Variants in ANO2 observed in about 807,000 individuals in gnomAD.
ANO2 encodes the protein anoctamin 2, also known as anoctamin-2.
In ANO2, 101 loss-of-function variants were observed where a neutral mutation model predicts 124.2. The ratio of observed to expected loss-of-function variants is 0.81; its 90% CI spans 0.69 to 0.96. The LOEUF (loss-of-function observed/expected upper bound fraction) is 0.96. ANO2 is among the 40% of genes least tolerant of loss of function. The pLI, the probability that ANO2 is intolerant of heterozygous loss-of-function variation, is 0.00. For synonymous variants in ANO2, 486 were observed against 482.5 expected, an observed-to-expected ratio of 1.01 and a Z score of -0.09; for missense variants, 1,293 against 1,274.5, an observed-to-expected ratio of 1.01 and a Z score of -0.22.
At chr12:5,928,543 C>A (rs1395009386) in intron 1 of ANO2, among the ~76,000 whole-genome samples, 1 of 150,862 alleles carries the variant, frequency 6.6e-6, no homozygotes, top group African/African-American at 2.4e-5. Flanking sequence ...TACTCGTCTA[C>A]CTTCTTTCCT....
At chr12:5,770,310 C>A (rs1184272530) in intron 10 of ANO2, among the ~76,000 whole-genome samples, 1 of 152,186 alleles carries the variant, frequency 6.6e-6, no homozygotes, top group Non-Finnish European at 1.5e-5. Context: ...TCATTGGTTT[C>A]CAATCTCATG....
At chr12:5,579,862 G>T (rs1198331591) in intron 20 of ANO2, among the ~76,000 whole-genome samples, 1 of 152,146 alleles carries the variant, frequency 6.6e-6, no homozygotes, top group Non-Finnish European at 1.5e-5. Context: ...CACTCTGGCT[G>T]GCAAGCTTCT....
intron 3 of ANO2, 24 bp downstream of exon 3, chr12:5,921,016 T>C: frequency 2.5e-6 from 4 of 1,588,048 alleles, no homozygotes; most frequent in Non-Finnish European, 2.6e-6. Context: ...CATCTCCAAG[T>C]CCCTGGCCAC....
intron 15 of ANO2, among the ~76,000 whole-genome samples, chr12:5,640,993 G>A (rs1946349973): frequency 2.0e-5 from 3 of 152,196 alleles, no homozygotes; most frequent in Admixed American, 2.0e-4. Context: ...ATCAGTGATA[G>A]ACTGGATTAA....
chr12:5,933,608 A>T (rs1220227633), intron 1 of ANO2, among the ~76,000 whole-genome samples: 1 of 152,160 alleles, frequency 6.6e-6, no homozygotes, highest in East Asian at 1.9e-4. Flanking sequence ...ATTTTATTTC[A>T]CTGGTCACAC....
intron 14 of ANO2, among the ~76,000 whole-genome samples, chr12:5,673,365 A>C (rs1231890938): frequency 6.6e-6 from 1 of 152,200 alleles, no homozygotes; most frequent in East Asian, 1.9e-4. Flanking sequence ...GTGTTTGCCC[A>C]CACAAGGGAG....
chr12:5,609,057 C>T (rs7954629), intron 19 of ANO2: 109,333 of 152,094 alleles, frequency 0.72, 39,461 homozygotes, highest in East Asian at 0.8. Context: ...GGGCCAGATG[C>T]GGCTTTGGTA....
intron 3 of ANO2, among the ~76,000 whole-genome samples, chr12:5,876,162 A>C (rs1938086353): frequency 6.6e-6 from 1 of 152,196 alleles, no homozygotes; most frequent in South Asian, 2.1e-4. Context: ...GTCCTAGAAT[A>C]TGATGGGGTT....
chr12:5,669,290 C>A (rs1947877314), intron 14 of ANO2, among the ~76,000 whole-genome samples: 3 of 151,840 alleles, frequency 2.0e-5, no homozygotes, highest in Admixed American at 2.0e-4. Flanking sequence ...GTATTTTATT[C>A]TCTTTGTAGC....
Position 5,612,673 on chromosome 12 carries a change from G to T in ANO2, c.2070C>A (p.Ile690=). The change falls in exon 19 of 25, where the codon ATC becomes ATA. Residue 690 remains isoleucine (I), a synonymous_variant. Transcript: ENST00000682330. ...TTACATACGGGACTCCAATCTCAAA[G>T]ATGTTGTTCTGGATCAACTGCTTCC... ...MLGKQLIQNN[I]FEIGVPKLKK... The T allele has an allele frequency of 6.2e-7, 1 of 1,613,914 alleles. No homozygotes were observed. Among genetic ancestry groups the T allele is most frequent in the East Asian group, 2.2e-5 (1 of 44,866 alleles).
chr12:5,739,073 A>G (rs1303566408), intron 13 of ANO2: 3 of 644,738 alleles, frequency 4.7e-6, no homozygotes, highest in Non-Finnish European at 8.6e-6. Context: ...GCACTGGGAC[A>G]TCTGCCCAAA....
intron 20 of ANO2, among the ~76,000 whole-genome samples, chr12:5,595,145 T>C (rs1025322736): frequency 6.6e-6 from 1 of 152,242 alleles, no homozygotes; most frequent in African/African-American, 2.4e-5. Flanking sequence ...AGCGCATGCA[T>C]GCATTCATTC....
rs1555163957 is a variant in ANO2 at position 5,785,678 on chromosome 12, CAT to C, written c.1055+13827_1055+13828del. 8.1e-5 allele frequency among the ~76,000 whole-genome samples: 12 copies of C among 148,598 alleles called. No individual in the cohort carries two copies. The South Asian group carries it at 8.4e-4, about 10-fold the overall frequency. ...TTGTACACACACACACACACACACA[CAT>C]ACACACACATACAAGCACACAGACA... On this transcript the variant is annotated intron_variant, in intron 10 of 24. Transcript: ENST00000682330.
intron 3 of ANO2, among the ~76,000 whole-genome samples, chr12:5,867,290 C>T (rs1042050174): frequency 6.6e-6 from 1 of 152,198 alleles, no homozygotes; most frequent in African/African-American, 2.4e-5. Context: ...ACTACAGCCC[C>T]ACCTGCTCAG....
At chr12:5,733,566 C>T (rs1565621695) in intron 13 of ANO2, among the ~76,000 whole-genome samples, 1 of 152,212 alleles carries the variant, frequency 6.6e-6, no homozygotes, top group Non-Finnish European at 1.5e-5. Flanking sequence ...TCAGGGAACA[C>T]ACATGTCCTT....
At chr12:5,620,753 G>GC (rs1192047577) in intron 16 of ANO2, among the ~76,000 whole-genome samples, 1 of 151,932 alleles carries the variant, frequency 6.6e-6, no homozygotes, top group Non-Finnish European at 1.5e-5. Context: ...GGTGGGTATG[G>GC]CCCCCCGAGA....
In ANO2 at chr12:5,563,201, C is replaced by T. The variant is rs1941533182; in HGVS notation, c.*98G>A. The T allele has an allele frequency of 1.4e-6, 2 of 1,464,834 alleles. No individual in the cohort carries two copies. Among genetic ancestry groups the T allele is most frequent in the East Asian group, 2.5e-5 (1 of 40,204 alleles). 90.7% of individuals were successfully genotyped at this position (1,464,834 alleles called of 1,614,324 possible). On this transcript the variant is annotated 3_prime_UTR_variant, in exon 25 of 25. Transcript: ENST00000682330. ...CTTCAAGACCCCATCAAGCCAGGCC[C>T]CTGCAGACAGACAGCACGCCATGTG... is the stretch of plus-strand genomic sequence containing the variant.
chr12:5,797,836 C>T (rs970030427), intron 10 of ANO2, among the ~76,000 whole-genome samples: 21 of 152,132 alleles, frequency 1.4e-4, no homozygotes, highest in African/African-American at 4.3e-4. Context: ...TCCAGTACAC[C>T]GTGCCCTGTC....
At chr12:5,639,919 C>T (rs1326234104) in intron 15 of ANO2, among the ~76,000 whole-genome samples, 1 of 152,100 alleles carries the variant, frequency 6.6e-6, no homozygotes, top group Non-Finnish European at 1.5e-5. Context: ...GGTGGACTCC[C>T]AATATCCAAG....
Sources: gnomAD v4.1 joint callset for allele counts (sites outside exome capture counted in the v4.1 genomes callset) on GRCh38, gnomAD v4.1.1 for gene constraint, MANE v1.5 for transcripts, NCBI Gene and HGNC (gene_info 2026-07-23, HGNC 2026-07-21) for gene names.